ATXN2: variants seen among roughly 807,000 people sequenced by gnomAD.
ATXN2 encodes the protein ataxin-2.
ATXN2 carries 37 observed loss-of-function variants against 138.6 expected under a neutral mutation model. The observed-to-expected ratio is 0.27, with a 90% confidence interval of 0.21 to 0.35. The LOEUF is 0.35. ATXN2 is among the 10% of genes least tolerant of loss of function. The pLI is 1.00. For synonymous variants in ATXN2, 549 were observed against 543.7 expected (o/e 1.01, Z -0.13); for missense variants, 1,216 against 1,480.3 (o/e 0.82, Z 2.93).
At position 111,598,705 on chromosome 12, in the gene ATXN2, G is replaced by C; in HGVS notation, c.251+79C>G. 1.5e-5 allele frequency: 14 copies of C among 941,560 alleles called. No individual in the cohort carries two copies. The highest frequency in any genetic ancestry group is 1.8e-5 in the African/African-American group (1 of 56,810). The allele number at this position is 941,560 out of a possible 1,614,324, so 58.3% of individuals were successfully genotyped here. On this transcript the variant is annotated intron_variant, in intron 1 of 24. Coordinates refer to ENST00000673436, the MANE Select transcript of ATXN2 (RefSeq NM_001372574.1). This position sits in a 1 kb window ranked among gnomAD's most constrained non-coding sequence, Gnocchi z 4.5. ...CACCCCGGGTAGCCCGGCGGGTCACGGGGCGGGGACGGCGGCGCGGGCCGC... is the reference window on the plus strand; with the variant it reads ...CACCCCGGGTAGCCCGGCGGGTCACCGGGCGGGGACGGCGGCGCGGGCCGC...
chr12:111,574,047 G>A (rs1328893790), intron 1 of ATXN2, among the ~76,000 whole-genome samples: 1 of 151,392 alleles, frequency 6.6e-6, no homozygotes, highest in Non-Finnish European at 1.5e-5. Context: ...GCCGGGTGCG[G>A]TGATTCAAGC....
chr12:111,509,457 G>C, intron 14 of ATXN2, 92 bp downstream of exon 14: 1 of 747,802 alleles, frequency 1.3e-6, no homozygotes, highest in Non-Finnish European at 2.2e-6. Flanking sequence ...TGATGTTTCT[G>C]ACTGTATACA....
At chr12:111,475,037 C>A (rs1009111535) in intron 18 of ATXN2, among the ~76,000 whole-genome samples, 1 of 152,078 alleles carries the variant, frequency 6.6e-6, no homozygotes, top group Non-Finnish European at 1.5e-5. Flanking sequence ...CACGGTGAAA[C>A]CCTGTCTCTA....
At chr12:111,577,578 T>G (rs1320031789) in intron 1 of ATXN2, among the ~76,000 whole-genome samples, 2 of 152,028 alleles carry the variant, frequency 1.3e-5, no homozygotes, top group African/African-American at 4.8e-5. Context: ...ATGTTTCAAT[T>G]AACAACAGAC....
intron 5 of ATXN2, among the ~76,000 whole-genome samples, chr12:111,530,317 G>C (rs1411394897): frequency 6.6e-6 from 1 of 152,178 alleles, no homozygotes; most frequent in Non-Finnish European, 1.5e-5. Flanking sequence ...ACTAGTTACA[G>C]AAATGAAGCA....
At chr12:111,599,646 GGGC>G, upstream of ATXN2, 1 of 1,084,766 alleles carries the variant, frequency 9.2e-7, no homozygotes, top group Non-Finnish European at 1.1e-6. Context: ...CGTGAGGAGC[GGGC>G]GGCGCGCTGG....
At chr12:111,582,509 G>A (rs187865673) in intron 1 of ATXN2, among the ~76,000 whole-genome samples, 11 of 152,126 alleles carry the variant, frequency 7.2e-5, no homozygotes, top group Admixed American at 2.0e-4. Context: ...TCAGGAGGCT[G>A]AGGTGGGAGG....
chr12:111,488,866 A>C, intron 14 of ATXN2, 86 bp from the exon 15 acceptor site: 1 of 1,107,914 alleles, frequency 9.0e-7, no homozygotes. Context: ...CGTAATATTA[A>C]CTATACGCAT....
chr12:111,586,761 T>A (rs1264109144), intron 1 of ATXN2, among the ~76,000 whole-genome samples: 4 of 152,034 alleles, frequency 2.6e-5, no homozygotes, highest in Non-Finnish European at 4.4e-5. Flanking sequence ...CCTCAAGTGA[T>A]CCACCCTCCT....
chr12:111,552,077 C>T lies in ATXN2; in HGVS notation c.571+203G>A, dbSNP rs891270972. Among the ~76,000 whole-genome samples the T allele has an allele frequency of 4.6e-5, 7 of 151,978 alleles. No individual in the cohort carries two copies. The highest frequency in any genetic ancestry group is 2.0e-4 in the Admixed American group (3 of 15,246). On this transcript the variant is annotated intron_variant, in intron 5 of 24. Coordinates refer to ENST00000673436, the MANE Select transcript of ATXN2 (RefSeq NM_001372574.1). The surrounding 1 kb of genome is among the most constrained non-coding windows in gnomAD (Gnocchi z 4.1). ...TGTATTTTTAGTAGAGACGGGGTTT[C>T]GCCATGTTGGCCAGGCTGGTCTCGA...
intron 1 of ATXN2, among the ~76,000 whole-genome samples, chr12:111,591,111 G>T (rs60280041): frequency 6.6e-6 from 1 of 151,798 alleles, no homozygotes; most frequent in African/African-American, 2.4e-5. Context: ...GGATGGTCTC[G>T]ATCTCCTGAC....
At chr12:111,571,196 G>A (rs1336437810) in intron 1 of ATXN2, among the ~76,000 whole-genome samples, 2 of 152,108 alleles carry the variant, frequency 1.3e-5, no homozygotes, top group African/African-American at 2.4e-5. Flanking sequence ...TGTACAACAA[G>A]GAAGACAAAT....
intron 11 of ATXN2, chr12:111,511,715 C>G (rs1283994343): frequency 6.6e-6 from 1 of 152,146 alleles, no homozygotes. Flanking sequence ...CCACCCGCCT[C>G]AGCCTCCCCA....
At chr12:111,548,170 C>T (rs141277765) in intron 5 of ATXN2, among the ~76,000 whole-genome samples, 6 of 152,108 alleles carry the variant, frequency 3.9e-5, no homozygotes, top group East Asian at 1.9e-4. Context: ...CCAGCCTGGG[C>T]GACAGAGCAA....
chr12:111,546,504 T>C (rs1015886160), intron 5 of ATXN2, among the ~76,000 whole-genome samples: 1 of 152,128 alleles, frequency 6.6e-6, no homozygotes, highest in African/African-American at 2.4e-5. Flanking sequence ...CCCTATCATC[T>C]AGGCTGAGAA....
intron 5 of ATXN2, among the ~76,000 whole-genome samples, chr12:111,533,461 A>C (rs1880958616): frequency 6.6e-6 from 1 of 152,202 alleles, no homozygotes; most frequent in Admixed American, 6.5e-5. Context: ...AATAATGACA[A>C]GAAAAAAAGT....
At chr12:111,595,625 A>T (rs1383941673) in intron 1 of ATXN2, among the ~76,000 whole-genome samples, 2 of 148,958 alleles carry the variant, frequency 1.3e-5, no homozygotes, top group African/African-American at 5.0e-5. Flanking sequence ...CTGGGCAAAC[A>T]CCGAGACTCT....
chr12:111,471,017 A>G, intron 18 of ATXN2: 1 of 426,826 alleles, frequency 2.3e-6, no homozygotes. Context: ...ACTTTCTCTC[A>G]TGGCCCTCAG....
chr12:111,598,331 A>G lies in ATXN2; in HGVS notation c.251+453T>C. On this transcript the variant is annotated intron_variant, in intron 1 of 24. Transcript: ENST00000673436. The surrounding 1 kb of genome is among the most constrained non-coding windows in gnomAD (Gnocchi z 4.5). ...CTTCTCCCCTCCAGAGATGTCCCCC[A>G]TGGAGGGGGACATGTTCCGGAAAAC... 1 of 992,104 alleles carries G rather than the reference A, an allele frequency of 1.0e-6. No homozygotes were observed. Among genetic ancestry groups the G allele is most frequent in the South Asian group, 4.5e-5 (1 of 22,172 alleles). 61.5% of individuals were successfully genotyped at this position (992,104 alleles called of 1,614,324 possible). A position where few individuals can be genotyped will look rare whatever the true frequency, so the allele number is the denominator to read the frequency against.
Sources: allele counts gnomAD v4.1 joint callset (sites outside exome capture counted in the v4.1 genomes callset), GRCh38; gene constraint gnomAD v4.1.1; non-coding constraint Gnocchi (gnomAD v3.1); transcripts MANE v1.5; gene names NCBI Gene and HGNC (gene_info 2026-07-23, HGNC 2026-07-21).